The following ANTXRL variants were observed in gnomAD, a reference collection of about 807,000 sequenced individuals.
ANTXRL encodes anthrax toxin receptor-like.
ANTXRL carries 63 observed loss-of-function variants against 75.4 expected under a neutral mutation model. The observed-to-expected ratio is 0.84, with a 90% CI of 0.68 to 1.03. The LOEUF is 1.03. Ranked by LOEUF, ANTXRL falls within the 50% of genes least tolerant of loss-of-function variation. ANTXRL has a pLI of 0.00. For synonymous variants in ANTXRL, 335 were observed against 291.3 expected (o/e 1.15, Z -1.53); for missense variants, 797 against 789.4 (o/e 1.01, Z -0.12).
At chr10:46,315,776 A>T (rs1217132053) in intron 16 of ANTXRL, among the ~76,000 whole-genome samples, 3 of 152,192 alleles carry the variant, frequency 2.0e-5, no homozygotes, top group Non-Finnish European at 4.4e-5. Context: ...AGCAAATCCA[A>T]ACATTTTTGC....
At chr10:46,287,604 C>CT in intron 1 of ANTXRL, 94 bp downstream of exon 1, 1 of 1,438,194 alleles carries the variant, frequency 7.0e-7, no homozygotes, top group East Asian at 2.5e-5. Flanking sequence ...GAGATGCAAG[C>CT]TTCCGTCACA....
rs1181721605 is a variant in ANTXRL at position 46,303,009 on chromosome 10, G to GAAGTAACAAATCCATCTGTGCCTC, written c.895+193_895+216dup. 1.3e-4 allele frequency among the ~76,000 whole-genome samples: 20 copies of GAAGTAACAAATCCATCTGTGCCTC among 152,254 alleles called. No individual in the cohort carries two copies. The East Asian group carries it at 2.3e-3, about 18-fold the overall frequency. ...CCCCTCCCTTCATCTGCCAAGTGGG[G>GAAGTAACAAATCCATCTGTGCCTC]AAGTAACAAATCCATCTGTGCCTCA... On this transcript the variant is annotated intron_variant, in intron 10 of 16. Coordinates refer to ENST00000620264, the MANE Select transcript of ANTXRL (RefSeq NM_001278688.3).
At chr10:46,313,964 T>G (rs1465044981) in intron 16 of ANTXRL, among the ~76,000 whole-genome samples, 1 of 152,196 alleles carries the variant, frequency 6.6e-6, no homozygotes, top group Admixed American at 6.5e-5. Context: ...CTTCTCTGCT[T>G]AGGCCCTGGG....
intron 9 of ANTXRL, among the ~76,000 whole-genome samples, 164 bp downstream of exon 9, chr10:46,298,226 T>A (rs536364581): frequency 6.6e-6 from 1 of 151,486 alleles, no homozygotes; most frequent in African/African-American, 2.4e-5. Flanking sequence ...GTGTGTGGTA[T>A]GTGTGTATGT....
intron 16 of ANTXRL, among the ~76,000 whole-genome samples, chr10:46,315,749 G>A (rs1258063906): frequency 2.0e-5 from 3 of 152,112 alleles, no homozygotes; most frequent in African/African-American, 7.2e-5. Context: ...TTAAAACCTT[G>A]TTTAGTTTAT....
rs1475621582 is a variant in ANTXRL, at chr10:46,302,911, A to G, written c.895+91A>G. ...CAGCCAAGCCTCCCAGCCCTTGCCA[A>G]CCATTCCCTGTGGACCCTGTGGGGT... On this transcript the variant is annotated intron_variant, in intron 10 of 16. Coordinates refer to ENST00000620264, the MANE Select transcript of ANTXRL (RefSeq NM_001278688.3). 35 of 1,056,818 alleles carry G rather than the reference A, an allele frequency of 3.3e-5. No individual in the cohort carries two copies. The South Asian group carries it at 3.3e-4, about 10-fold the overall frequency. The allele number at this position is 1,056,818 out of a possible 1,614,324, so 65.5% of individuals were successfully genotyped here.
chr10:46,308,402 T>TCCCCCCCCCCCCCCCCC, intron 12 of ANTXRL: 1 of 246,460 alleles, frequency 4.1e-6, no homozygotes. Flanking sequence ...CCCTGCCCCT[T>TCCCCCCCCCCCCCCCCC]CCCTCCCCTC....
At chr10:46,321,327 C>G (rs782296200) in intron 16 of ANTXRL, among the ~76,000 whole-genome samples, 1 of 152,138 alleles carries the variant, frequency 6.6e-6, no homozygotes, top group Non-Finnish European at 1.5e-5. Flanking sequence ...TCCATGATGT[C>G]AGAGAAATCT....
chr10:46,322,349 T>C (rs961909460), intron 16 of ANTXRL, among the ~76,000 whole-genome samples: 5 of 151,872 alleles, frequency 3.3e-5, no homozygotes, highest in African/African-American at 1.2e-4. Flanking sequence ...TCCCAGCTAC[T>C]TGGGAGGCTG....
intron 13 of ANTXRL, 138 bp from the exon 14 acceptor site, chr10:46,310,323 C>A: frequency 3.7e-6 from 3 of 810,858 alleles, no homozygotes; most frequent in Admixed American, 2.0e-5. Context: ...AGTTCACAGG[C>A]TCAGGGTGGC....
chr10:46,298,144 G>A, intron 9 of ANTXRL, 82 bp downstream of exon 9: 1 of 1,115,032 alleles, frequency 9.0e-7, no homozygotes, highest in Non-Finnish European at 1.3e-6. Context: ...CATTTGTTTG[G>A]TATGTGTGGG....
chr10:46,325,928 G>T (rs1270582480), intron 16 of ANTXRL, among the ~76,000 whole-genome samples: 1 of 152,042 alleles, frequency 6.6e-6, no homozygotes, highest in Non-Finnish European at 1.5e-5. Flanking sequence ...ATTGGTTAAG[G>T]TCAGGGAGCC....
At position 46,329,855 on chromosome 10, in the gene ANTXRL, G is replaced by A. The variant is rs1554967258; in HGVS notation, c.1667G>A (p.Cys556Tyr). 1 of 1,535,272 alleles carries A rather than the reference G, an allele frequency of 6.5e-7. No individual in the cohort carries two copies. Among genetic ancestry groups the A allele is most frequent in the Non-Finnish European group, 8.7e-7 (1 of 1,146,388 alleles). The change falls in exon 17 of 17, where the codon TGC becomes TAC. Residue 556 changes from cysteine (C) to tyrosine (Y), a missense_variant. Cys to Tyr is a radical substitution (Grantham distance 194). Coordinates refer to ENST00000620264, the MANE Select transcript of ANTXRL (RefSeq NM_001278688.3). ...RKQAPCSPRICLRHSPEYFSQ... is the reference protein window; with the variant it reads ...RKQAPCSPRIYLRHSPEYFSQ... ...CAGGCTCCCTGCAGCCCAAGGATCT[G>A]CCTGAGACACAGCCCGGAGTACTTT...
intron 16 of ANTXRL, among the ~76,000 whole-genome samples, chr10:46,323,558 G>C (rs1338120260): frequency 1.3e-5 from 2 of 152,160 alleles, no homozygotes; most frequent in Admixed American, 1.3e-4. Flanking sequence ...CTTGTGAATT[G>C]AGTTCATTCC....
At chr10:46,301,923 GGAAC>G (rs1374632827) in intron 9 of ANTXRL, among the ~76,000 whole-genome samples, 2 of 152,196 alleles carry the variant, frequency 1.3e-5, no homozygotes, top group African/African-American at 4.8e-5. Flanking sequence ...CAGACCTGCG[GGAAC>G]CCTGGCTGGC....
chr10:46,293,450 G>A (rs1837153941), intron 2 of ANTXRL, among the ~76,000 whole-genome samples: 1 of 107,212 alleles, frequency 9.3e-6, no homozygotes, highest in South Asian at 3.3e-4. Flanking sequence ...ATGTGTATGG[G>A]TGCATGTGTG....
chr10:46,315,632 T>C (rs1554964530), intron 16 of ANTXRL, among the ~76,000 whole-genome samples: 1 of 152,184 alleles, frequency 6.6e-6, no homozygotes, highest in Non-Finnish European at 1.5e-5. Context: ...CAAACTCTTC[T>C]TCCTGACTTG....
intron 16 of ANTXRL, among the ~76,000 whole-genome samples, chr10:46,314,397 C>T (rs556142678): frequency 9.9e-5 from 15 of 152,174 alleles, no homozygotes; most frequent in South Asian, 4.1e-4. Flanking sequence ...AGCCCAGTTC[C>T]GGTCACATGG....
At position 46,300,482 on chromosome 10, in the gene ANTXRL, A is replaced by C. The variant is rs1204194407; in HGVS notation, c.797-2240A>C. ...AAGGCCCATCCTGAGCCCATCCCCCACACATGGCTGGAGGGTTTTGACAGG... is the reference window on the plus strand; with the variant it reads ...AAGGCCCATCCTGAGCCCATCCCCCCCACATGGCTGGAGGGTTTTGACAGG... On this transcript the variant is annotated intron_variant, in intron 9 of 16. Coordinates refer to ENST00000620264, the MANE Select transcript of ANTXRL (RefSeq NM_001278688.3). Among the ~76,000 whole-genome samples, 5 of 152,054 alleles carry C rather than the reference A, an allele frequency of 3.3e-5. 1 individual carries two copies. Among genetic ancestry groups the C allele is most frequent in the Admixed American group, 3.3e-4 (5 of 15,270 alleles).
Sources: allele counts gnomAD v4.1 joint callset (sites outside exome capture counted in the v4.1 genomes callset), GRCh38; gene constraint gnomAD v4.1.1; transcripts MANE v1.5; gene names NCBI Gene and HGNC (gene_info 2026-07-23, HGNC 2026-07-21).